PHACTR3: variants seen among roughly 807,000 people sequenced by gnomAD.
The protein encoded by PHACTR3 is protein phosphatase 1, regulatory subunit 123.
In PHACTR3, 16 loss-of-function variants were observed where a neutral mutation model predicts 66.8. The ratio of observed to expected loss-of-function variants is 0.24; its 90% CI spans 0.16 to 0.36. The LOEUF (loss-of-function observed/expected upper bound fraction) is 0.36, where lower values mean the gene tolerates loss of function less well. Ranked by LOEUF, PHACTR3 falls within the 10% of genes least tolerant of loss-of-function variation. PHACTR3 has a pLI of 1.00. For synonymous variants in PHACTR3, 323 were observed against 292.1 expected, an observed-to-expected ratio of 1.11 and a Z score of -1.08; for missense variants, 647 against 719.9, an observed-to-expected ratio of 0.90 and a Z score of 1.16.
intron 8 of PHACTR3, among the ~76,000 whole-genome samples, chr20:59,815,578 C>T (rs1439821386): frequency 6.6e-6 from 1 of 152,074 alleles, no homozygotes; most frequent in African/African-American, 2.4e-5. Context: ...GTGTGCACCA[C>T]CATGCCCAGC....
At chr20:59,846,928 C>A (rs909808943) in intron 12 of PHACTR3, among the ~76,000 whole-genome samples, 187 bp from the exon 13 acceptor site, 5 of 152,090 alleles carry the variant, frequency 3.3e-5, no homozygotes, top group Non-Finnish European at 7.3e-5. Flanking sequence ...ATAACAGGGG[C>A]CTGAGAGTGG....
chr20:59,674,892 C>G (rs1337675735), intron 1 of PHACTR3, among the ~76,000 whole-genome samples: 1 of 96,752 alleles, frequency 1.0e-5, no homozygotes, highest in Non-Finnish European at 2.1e-5. Flanking sequence ...TCTCCTGTCT[C>G]TGCCTTCTCC....
chr20:59,782,382 G>C (rs2040754366), intron 7 of PHACTR3, among the ~76,000 whole-genome samples: 2 of 152,118 alleles, frequency 1.3e-5, no homozygotes, highest in African/African-American at 4.8e-5. Flanking sequence ...CTCCCAAGTA[G>C]CTGGGATTAC....
chr20:59,752,783 A>G (rs1404823572), intron 3 of PHACTR3, among the ~76,000 whole-genome samples: 4 of 152,162 alleles, frequency 2.6e-5, no homozygotes, highest in African/African-American at 9.7e-5. Context: ...GTGCATTCTA[A>G]GGTTTGGTGT....
intron 1 of PHACTR3, among the ~76,000 whole-genome samples, chr20:59,578,395 T>G (rs997726139): frequency 6.6e-6 from 1 of 152,170 alleles, no homozygotes; most frequent in African/African-American, 2.4e-5. Flanking sequence ...CACTGGCCCT[T>G]GGTGAGGATA....
At chr20:59,600,950 T>C (rs2033462663), upstream of PHACTR3, among the ~76,000 whole-genome samples, 1 of 152,144 alleles carries the variant, frequency 6.6e-6, no homozygotes, top group Admixed American at 6.5e-5. Flanking sequence ...ACATGCTTTT[T>C]TTTTTTTTTT....
In PHACTR3 at chr20:59,836,493, G is replaced by A; in HGVS notation, c.1329-12G>A. The A allele has an allele frequency of 6.2e-7, 1 of 1,606,822 alleles. No homozygotes were observed. The highest frequency in any genetic ancestry group is 8.5e-7 in the Non-Finnish European group (1 of 1,177,386). ...CTATGGTGCAAAATGTAATTTTAGT[G>A]TTTTTCCGCAGACGGCTGAGCCAAA... On this transcript the variant is annotated splice_polypyrimidine_tract_variant and intron_variant, in intron 8 of 12. Transcript: ENST00000371015.
chr20:59,741,837 A>G (rs1275000483), intron 1 of PHACTR3, among the ~76,000 whole-genome samples: 3 of 150,318 alleles, frequency 2.0e-5, no homozygotes, highest in Non-Finnish European at 4.4e-5. Flanking sequence ...ATCTTGGCTC[A>G]CTGCAACCTT....
At chr20:59,822,816 C>T (rs1365313335) in intron 8 of PHACTR3, among the ~76,000 whole-genome samples, 1 of 152,198 alleles carries the variant, frequency 6.6e-6, no homozygotes, top group Non-Finnish European at 1.5e-5. Context: ...AGGATGTGCC[C>T]AGTGGAACAG....
In PHACTR3 at chr20:59,733,285, A is replaced by T. The variant is rs139696764; in HGVS notation, c.119-9822A>T. On this transcript the variant is annotated intron_variant, in intron 1 of 12. Transcript: ENST00000371015. ...CTTAGGAATTTTCTAGGGGTGGAGG[A>T]GGTCAAACCAAGAACTTTTACATTT... Among the ~76,000 whole-genome samples the T allele has an allele frequency of 7.0e-3, 1,058 of 152,180 alleles. 11 individuals are homozygous for T. Among genetic ancestry groups the T allele is most frequent in the African/African-American group, 0.024 (984 of 41,562 alleles).
chr20:59,808,557 G>A (rs931303154), intron 8 of PHACTR3, among the ~76,000 whole-genome samples: 11 of 152,176 alleles, frequency 7.2e-5, no homozygotes, highest in African/African-American at 2.7e-4. Context: ...AACCTCAAAA[G>A]CCAACCCTTC....
At chr20:59,693,974 T>A (rs1050658356) in intron 1 of PHACTR3, among the ~76,000 whole-genome samples, 1 of 152,206 alleles carries the variant, frequency 6.6e-6, no homozygotes, top group Non-Finnish European at 1.5e-5. Context: ...GGGGCACACA[T>A]CTTCTCTTGA....
At chr20:59,620,952 G>T (rs1342968766) in intron 1 of PHACTR3, among the ~76,000 whole-genome samples, 1 of 152,180 alleles carries the variant, frequency 6.6e-6, no homozygotes, top group Admixed American at 6.5e-5. Flanking sequence ...TAGTGTGGAC[G>T]CCTGCATGTA....
intron 1 of PHACTR3, among the ~76,000 whole-genome samples, chr20:59,708,366 C>T (rs547776729): frequency 6.6e-6 from 1 of 152,294 alleles, no homozygotes; most frequent in South Asian, 2.1e-4. Context: ...TGGACCGAGG[C>T]ACCACATCCA....
chr20:59,746,242 G>A (rs1222208602), intron 2 of PHACTR3, among the ~76,000 whole-genome samples: 1 of 152,204 alleles, frequency 6.6e-6, no homozygotes, highest in Non-Finnish European at 1.5e-5. Context: ...AGCCACCCGG[G>A]AGGTCAAGGA....
intron 7 of PHACTR3, among the ~76,000 whole-genome samples, chr20:59,801,745 G>A (rs1291423578): frequency 6.6e-6 from 1 of 152,324 alleles, no homozygotes; most frequent in African/African-American, 2.4e-5. Flanking sequence ...TCTCCATGGA[G>A]TGAAAATGTT....
chr20:59,645,436 C>T (rs2035250386), intron 1 of PHACTR3, among the ~76,000 whole-genome samples: 1 of 151,952 alleles, frequency 6.6e-6, no homozygotes, highest in African/African-American at 2.4e-5. Context: ...CTGAAACAGC[C>T]TCCCTCAGAT....
In PHACTR3 at chr20:59,810,913, C is replaced by T. The variant is rs150927119; in HGVS notation, c.1328+4719C>T. Among the ~76,000 whole-genome samples the T allele has an allele frequency of 1.1e-3, 166 of 152,342 alleles. No homozygotes were observed. In the East Asian group the frequency reaches 0.015, roughly 14 times the overall value. The stretch of plus-strand genomic sequence containing the variant: ...GCACTGGAAATTATGCACAGAGGCA[C>T]GGGCTGTTTTGCCTCCATCCTGTCT... On this transcript the variant is annotated intron_variant, in intron 8 of 12. Transcript: ENST00000371015.
At chr20:59,831,028 T>C (rs1227867717) in intron 8 of PHACTR3, among the ~76,000 whole-genome samples, 1 of 151,970 alleles carries the variant, frequency 6.6e-6, no homozygotes, top group Admixed American at 6.5e-5. Flanking sequence ...TTCCTCCCCA[T>C]TGTTTGTCCC....
Sources: allele counts gnomAD v4.1 joint callset (sites outside exome capture counted in the v4.1 genomes callset), GRCh38; gene constraint gnomAD v4.1.1; transcripts MANE v1.5; gene names NCBI Gene and HGNC (gene_info 2026-07-23, HGNC 2026-07-21).